PCDH15: variants seen among roughly 807,000 people sequenced by gnomAD.
PCDH15 encodes the protein protocadherin-15.
A neutral mutation model predicts 178.5 loss-of-function variants in PCDH15; 129 were observed. The ratio of observed to expected loss-of-function variants is 0.72; its 90% confidence interval spans 0.63 to 0.84. The LOEUF (loss-of-function observed/expected upper bound fraction) is 0.84. Ranked by LOEUF, PCDH15 falls within the 40% of genes least tolerant of loss-of-function variation. The probability of loss-of-function intolerance (pLI) is 0.00; values close to 1 mark genes in which losing one functional copy is unlikely to be tolerated. For missense variants in PCDH15, 2,230 were observed against 2,099.9 expected, an observed-to-expected ratio of 1.06 and a Z score of -1.21; for synonymous variants, 800 against 732.0, an observed-to-expected ratio of 1.09 and a Z score of -1.50.
At chr10:54,444,709 A>G (rs1565293967) in intron 3 of PCDH15, among the ~76,000 whole-genome samples, 1 of 151,656 alleles carries the variant, frequency 6.6e-6, no homozygotes, top group Non-Finnish European at 1.5e-5. Context: ...TGAAACATCT[A>G]TTAATATTGC....
intron 2 of PCDH15, among the ~76,000 whole-genome samples, chr10:55,101,710 A>G (rs1294747063): frequency 6.6e-6 from 1 of 151,584 alleles, no homozygotes; most frequent in Non-Finnish European, 1.5e-5. Context: ...ATGTGATACA[A>G]TAGTATAGAT....
chr10:54,661,694 G>A (rs2094495262), intron 2 of PCDH15, among the ~76,000 whole-genome samples: 1 of 151,760 alleles, frequency 6.6e-6, no homozygotes, highest in Non-Finnish European at 1.5e-5. Context: ...GCATGGCATT[G>A]GCATAAAGAT....
At chr10:54,571,963 T>G (rs1255400887) in intron 2 of PCDH15, among the ~76,000 whole-genome samples, 2 of 152,080 alleles carry the variant, frequency 1.3e-5, no homozygotes, top group Non-Finnish European at 2.9e-5. Flanking sequence ...AAATTGTAGA[T>G]GAGGTCCACC....
At chr10:55,154,956 CTTG>C (rs1201444946) in intron 2 of PCDH15, among the ~76,000 whole-genome samples, 18 of 152,202 alleles carry the variant, frequency 1.2e-4, no homozygotes, top group Admixed American at 3.3e-4. Context: ...TTTAATTGAA[CTTG>C]TTGTGACATT....
intron 2 of PCDH15, among the ~76,000 whole-genome samples, chr10:54,960,491 C>T (rs539494447): frequency 1.3e-5 from 2 of 152,222 alleles, no homozygotes; most frequent in South Asian, 2.1e-4. Flanking sequence ...AATAAAAAAA[C>T]TAATACTCTT....
chr10:54,290,459 C>T (rs2059326036), intron 8 of PCDH15, among the ~76,000 whole-genome samples: 1 of 152,166 alleles, frequency 6.6e-6, no homozygotes, highest in African/African-American at 2.4e-5. Flanking sequence ...TTGTAAAGAC[C>T]ATGGATGCTA....
chr10:55,175,137 G>C (rs1228245557), intron 1 of PCDH15, among the ~76,000 whole-genome samples: 1 of 152,150 alleles, frequency 6.6e-6, no homozygotes. Flanking sequence ...GGACCCCAAA[G>C]AAGACACAGG....
At chr10:54,966,079 T>C (rs1457018372) in intron 2 of PCDH15, among the ~76,000 whole-genome samples, 3 of 151,926 alleles carry the variant, frequency 2.0e-5, no homozygotes, top group Non-Finnish European at 4.4e-5. Context: ...TCACTAATCA[T>C]ACAGAATATT....
At chr10:54,980,432 A>G (rs1839203166) in intron 2 of PCDH15, among the ~76,000 whole-genome samples, 1 of 152,086 alleles carries the variant, frequency 6.6e-6, no homozygotes, top group South Asian at 2.1e-4. Context: ...TTGAATTACC[A>G]TTAAGTCATT....
At chr10:53,878,483 TATAA>T (rs1313287671) in intron 26 of PCDH15, among the ~76,000 whole-genome samples, 1 of 142,902 alleles carries the variant, frequency 7.0e-6, no homozygotes, top group Non-Finnish European at 1.5e-5. Context: ...ATAGTATATA[TATAA>T]ATATATAATA....
chr10:54,542,893 T>TA (rs938576643), intron 2 of PCDH15, among the ~76,000 whole-genome samples: 15 of 152,084 alleles, frequency 9.9e-5, no homozygotes, highest in Admixed American at 9.8e-4. Flanking sequence ...CCTGGGCCTA[T>TA]AAAAAGCCAA....
chr10:53,859,731 C>T (rs568772352), intron 27 of PCDH15, among the ~76,000 whole-genome samples: 3 of 152,020 alleles, frequency 2.0e-5, no homozygotes, highest in African/African-American at 2.4e-5. Flanking sequence ...GATATAGATC[C>T]GAAAAACCAT....
intron 1 of PCDH15, among the ~76,000 whole-genome samples, chr10:54,795,336 T>C (rs1951847025): frequency 6.6e-6 from 1 of 151,844 alleles, no homozygotes; most frequent in Admixed American, 6.6e-5. Context: ...CAGGACAAAA[T>C]AAATGTCCAT....
chr10:54,630,240 G>GCA (rs1442261890), intron 2 of PCDH15, among the ~76,000 whole-genome samples: 4 of 152,068 alleles, frequency 2.6e-5, no homozygotes, highest in Admixed American at 2.6e-4. Context: ...AAAGCTGGAG[G>GCA]CATCACATTA....
chr10:53,894,929 G>T (rs2081849497), intron 26 of PCDH15, among the ~76,000 whole-genome samples: 1 of 152,184 alleles, frequency 6.6e-6, no homozygotes, highest in Admixed American at 6.5e-5. Flanking sequence ...TGGAAACGTG[G>T]TTGAGCTTGG....
chr10:55,537,485 G>A (rs1377288968), intron 2 of PCDH15, among the ~76,000 whole-genome samples: 4 of 152,026 alleles, frequency 2.6e-5, no homozygotes. Context: ...GCCCAGGCTG[G>A]AGTGCAGTGG....
intron 15 of PCDH15, among the ~76,000 whole-genome samples, chr10:54,111,648 T>C (rs975989520): frequency 2.0e-5 from 3 of 152,152 alleles, no homozygotes; most frequent in Non-Finnish European, 4.4e-5. Context: ...CAGTATCAGT[T>C]GATTATCACT....
At chr10:54,859,870 T>G (rs1430221879) in intron 3 of PCDH15, among the ~76,000 whole-genome samples, 2 of 151,828 alleles carry the variant, frequency 1.3e-5, no homozygotes, top group Non-Finnish European at 2.9e-5. Context: ...CATGTAAAGA[T>G]CTCAGGATTT....
intron 18 of PCDH15, among the ~76,000 whole-genome samples, chr10:54,043,783 CT>C (rs2093600493): frequency 6.6e-6 from 1 of 152,056 alleles, no homozygotes; most frequent in Non-Finnish European, 1.5e-5. Flanking sequence ...GCACATGTGG[CT>C]ACAAACACTT....
Sources: allele counts gnomAD v4.1 joint callset (sites outside exome capture counted in the v4.1 genomes callset), GRCh38; gene constraint gnomAD v4.1.1; transcripts MANE v1.5; gene names NCBI Gene and HGNC (gene_info 2026-07-23, HGNC 2026-07-21).